HECTD4: variants seen among roughly 807,000 people sequenced by gnomAD.
HECTD4 encodes HECT domain E3 ubiquitin protein ligase 4, also known as probable E3 ubiquitin-protein ligase HECTD4.
In HECTD4, 114 loss-of-function variants were observed where a neutral mutation model predicts 471.5. The observed-to-expected ratio is 0.24, with a 90% confidence interval of 0.21 to 0.28. The LOEUF (loss-of-function observed/expected upper bound fraction) is 0.28, where lower values mean the gene tolerates loss of function less well. Ranked by LOEUF, HECTD4 falls within the 10% of genes least tolerant of loss-of-function variation. The pLI is 1.00. For missense variants in HECTD4, 3,866 were observed against 5,651.5 expected, an observed-to-expected ratio of 0.68 and a Z score of 10.13; for synonymous variants, 2,012 against 2,256.0, an observed-to-expected ratio of 0.89 and a Z score of 3.07.
At chr12:112,376,677 C>T (rs1166609605) in intron 1 of HECTD4, among the ~76,000 whole-genome samples, 1 of 152,202 alleles carries the variant, frequency 6.6e-6, no homozygotes, top group Non-Finnish European at 1.5e-5. Context: ...TCCAAATATG[C>T]TGAGGACGCT....
chr12:112,220,699 A>T (rs1041157837), intron 44 of HECTD4, among the ~76,000 whole-genome samples: 1 of 152,120 alleles, frequency 6.6e-6, no homozygotes, highest in Non-Finnish European at 1.5e-5. Context: ...CGGGAGGGTG[A>T]GGCATGATAA....
chr12:112,279,653 C>T (rs532584560), intron 8 of HECTD4, among the ~76,000 whole-genome samples: 1 of 152,282 alleles, frequency 6.6e-6, no homozygotes, highest in Admixed American at 6.5e-5. Context: ...GCCATCATGC[C>T]TCTACAAATT....
chr12:112,162,305 G>A lies in HECTD4; in HGVS notation c.*82C>T. 1.3e-6 allele frequency: 2 copies of A among 1,552,022 alleles called. No homozygotes were observed. The highest frequency in any genetic ancestry group is 8.9e-7 in the Non-Finnish European group (1 of 1,127,652). ...TTGCCAACTCCTCACGCAGGGCCCT[G>A]GAGGGACGGGCCGCAGTGGTGGCTT... On this transcript the variant is annotated 3_prime_UTR_variant, in exon 76 of 76. Coordinates refer to ENST00000682272, the MANE Select transcript of HECTD4 (RefSeq NM_001388303.1). The surrounding 1 kb of genome is among the most constrained non-coding windows in gnomAD (Gnocchi z 5.2).
Position 112,210,270 on chromosome 12 carries a change from T to G in HECTD4, c.7630-18A>C, listed in dbSNP as rs1225155251. On this transcript the variant is annotated intron_variant, in intron 49 of 75. Transcript: ENST00000682272. ...TTGGTGTTCTGGAAAGGAGACCAAA[T>G]GAAGGATTTGGAAAGACTTACGTTT... 1 of 1,608,254 alleles carries G rather than the reference T, an allele frequency of 6.2e-7. No individual in the cohort carries two copies. Among genetic ancestry groups the G allele is most frequent in the African/African-American group, 1.3e-5 (1 of 74,806 alleles).
At position 112,194,703 on chromosome 12, in the gene HECTD4, T is replaced by C. The variant is rs2032180874; in HGVS notation, c.8749+182A>G. 6.6e-6 allele frequency among the ~76,000 whole-genome samples: 1 copy of C among 152,212 alleles called. No individual in the cohort carries two copies. The highest frequency in any genetic ancestry group is 1.5e-5 in the Non-Finnish European group (1 of 68,032). On this transcript the variant is annotated intron_variant, in intron 56 of 75. Transcript: ENST00000682272. The surrounding 1 kb of genome is among the most constrained non-coding windows in gnomAD (Gnocchi z 4.6). Reference sequence around the variant, plus strand: ...AGTAATGACTCAAGTGAGTAATCCATTACATTTTTCGAAGAGTGAGAAAGC... The same window carrying C: ...AGTAATGACTCAAGTGAGTAATCCACTACATTTTTCGAAGAGTGAGAAAGC...
chr12:112,318,605 C>T (rs1232136955), intron 2 of HECTD4, among the ~76,000 whole-genome samples: 1 of 152,150 alleles, frequency 6.6e-6, no homozygotes, highest in East Asian at 1.9e-4. Context: ...AACTCCTGAC[C>T]TCAAGTGATC....
At chr12:112,290,310 A>C (rs2034848696) in intron 7 of HECTD4, among the ~76,000 whole-genome samples, 1 of 149,662 alleles carries the variant, frequency 6.7e-6, no homozygotes, top group Admixed American at 6.7e-5. Context: ...ATAAAGTGAG[A>C]GCTAGTCTCA....
rs1411464684 is a variant in HECTD4, at chr12:112,192,720, G to C, written c.9132C>G (p.Gly3044=). 5.0e-6 allele frequency: 8 copies of C among 1,597,836 alleles called. No individual in the cohort carries two copies. The highest frequency in any genetic ancestry group is 6.8e-6 in the Non-Finnish European group (8 of 1,172,582). ...KAPWARVLVY[G]LGHKVKRNGQ... ...CATTTCGCTTCACTTTGTGGCCGAG[G>C]CCATATACGAGCACCCGTGCCCACG... The change falls in exon 59 of 76, where the codon GGC becomes GGG. Residue 3044 remains glycine (G), a synonymous_variant. Coordinates refer to ENST00000682272, the MANE Select transcript of HECTD4 (RefSeq NM_001388303.1).
chr12:112,324,291 G>T lies in HECTD4; in HGVS notation c.178-4549C>A, dbSNP rs530875904. Among the ~76,000 whole-genome samples, 11 of 150,124 alleles carry T rather than the reference G, an allele frequency of 7.3e-5. No homozygotes were observed. The South Asian group carries it at 2.3e-3, about 32-fold the overall frequency. Reference sequence around the variant, plus strand: ...TGTGCCACTATGCAGCTAATTTTTTGTATTTTTTGTAGAGATGGGGGTCTC... The same window carrying T: ...TGTGCCACTATGCAGCTAATTTTTTTTATTTTTTGTAGAGATGGGGGTCTC... On this transcript the variant is annotated intron_variant, in intron 1 of 75. Transcript: ENST00000682272.
At chr12:112,183,879 G>T (rs2031760529) in intron 61 of HECTD4, among the ~76,000 whole-genome samples, 1 of 152,124 alleles carries the variant, frequency 6.6e-6, no homozygotes, top group Admixed American at 6.5e-5. Context: ...ACACCAAAAA[G>T]AACAAAAAGA....
At chr12:112,172,161 TC>T (rs1184812572) in intron 67 of HECTD4, among the ~76,000 whole-genome samples, 1 of 152,160 alleles carries the variant, frequency 6.6e-6, no homozygotes, top group Admixed American at 6.5e-5. Context: ...CCTTGGCCTC[TC>T]AAAGTGCTGG....
Position 112,231,611 on chromosome 12 carries a change from C to T in HECTD4, c.6102G>A (p.Glu2034=). 6.2e-7 allele frequency: 1 copy of T among 1,613,974 alleles called. No homozygotes were observed. The highest frequency in any genetic ancestry group is 8.5e-7 in the Non-Finnish European group (1 of 1,179,894). ...CACTCACAGTCTCTGGGTTGATAGACTCTACAGGTGGCCCAATGCTGACGA... is the reference window on the plus strand; with the variant it reads ...CACTCACAGTCTCTGGGTTGATAGATTCTACAGGTGGCCCAATGCTGACGA... ...GLIVSIGPPV[E]SINPETVSGL... is the part of the protein sequence containing the mutation. The change falls in exon 39 of 76, where the codon GAG becomes GAA. Residue 2034 remains glutamate (E), a synonymous_variant. Coordinates refer to ENST00000682272, the MANE Select transcript of HECTD4 (RefSeq NM_001388303.1).
intron 32 of HECTD4, among the ~76,000 whole-genome samples, chr12:112,242,261 G>T (rs1297450558): frequency 6.6e-6 from 1 of 152,180 alleles, no homozygotes; most frequent in South Asian, 2.1e-4. Context: ...GTCAGCAGAG[G>T]ATGTGTTAAT....
intron 1 of HECTD4, among the ~76,000 whole-genome samples, chr12:112,364,315 G>A (rs2036516119): frequency 6.6e-6 from 1 of 151,488 alleles, no homozygotes; most frequent in South Asian, 2.1e-4. Flanking sequence ...GCTGAGGCAG[G>A]AGAATCACTT....
At position 112,314,495 on chromosome 12, in the gene HECTD4, C is replaced by T. The variant is rs780950494; in HGVS notation, c.747G>A (p.Thr249=). The change falls in exon 3 of 76, where the codon ACG becomes ACA. Residue 249 remains threonine (T), a synonymous_variant. Transcript: ENST00000682272. ...CAGCTACAGGCAGGGACCCTAGATC[C>T]GTCTGTTTCTGTAATAGATGGACTG... The part of the protein sequence containing the change: ...VHTVHLLQKQ[T]DLGSLPVADV... 81 of 1,532,480 alleles carry T rather than the reference C, an allele frequency of 5.3e-5. No homozygotes were observed. The highest frequency in any genetic ancestry group is 6.5e-5 in the Non-Finnish European group (74 of 1,143,776). 94.9% of individuals were successfully genotyped at this position (1,532,480 alleles called of 1,614,324 possible).
intron 25 of HECTD4, chr12:112,249,843 G>A (rs976833532): frequency 5.2e-6 from 2 of 386,162 alleles, no homozygotes; most frequent in Non-Finnish European, 9.6e-6. Flanking sequence ...TCAGTCAAAT[G>A]GGAAACTTGT....
intron 4 of HECTD4, among the ~76,000 whole-genome samples, chr12:112,311,016 CTT>C (rs1415739626): frequency 6.6e-6 from 1 of 152,196 alleles, no homozygotes; most frequent in South Asian, 2.1e-4. Context: ...AATCCCAACA[CTT>C]TGGGAGGCCG....
rs997852295 is a variant in HECTD4, at chr12:112,195,056, G to A, written c.8578C>T (p.Arg2860Cys). ...TNLQIHRELL[R>C]CEAALARLYC... ...AGCCTGGCCAGCGCAGCCTCGCAGC[G>A]CAGCAGCTCCCTGCAAGGGAAAAGG... The change falls in exon 56 of 76, where the codon CGC becomes TGC. Residue 2860 changes from arginine to cysteine, a missense_variant. Arg to Cys is a radical substitution (Grantham distance 180). Transcript: ENST00000682272. The A allele has an allele frequency of 1.0e-5, 16 of 1,598,606 alleles. No individual in the cohort carries two copies. Among genetic ancestry groups the A allele is most frequent in the African/African-American group, 8.0e-5 (6 of 74,674 alleles).
At chr12:112,264,049 T>G in intron 17 of HECTD4, 35 bp downstream of exon 17, 1 of 1,594,110 alleles carries the variant, frequency 6.3e-7, no homozygotes, top group Non-Finnish European at 8.5e-7. Context: ...TCACACTGGG[T>G]AGAACGCATC....
Sources: allele counts gnomAD v4.1 joint callset (sites outside exome capture counted in the v4.1 genomes callset), GRCh38; gene constraint gnomAD v4.1.1; non-coding constraint Gnocchi (gnomAD v3.1); transcripts MANE v1.5; gene names NCBI Gene and HGNC (gene_info 2026-07-23, HGNC 2026-07-21).